The following MAST2 variants were observed in gnomAD, a reference collection of about 807,000 sequenced individuals.
The protein encoded by MAST2 is microtubule-associated serine/threonine-protein kinase 2.
MAST2 carries 70 observed loss-of-function variants against 147.4 expected under a neutral mutation model. The observed-to-expected ratio is 0.47, with a 90% confidence interval of 0.39 to 0.58. MAST2 has a LOEUF of 0.58. Among genes scored for constraint, MAST2 ranks in the 20% least tolerant of loss-of-function variants. The pLI is 0.00. For missense variants in MAST2, 2,080 were observed against 2,302.3 expected (o/e 0.90, Z 1.98); for synonymous variants, 869 against 896.8 (o/e 0.97, Z 0.55).
At chr1:45,901,660 C>T (rs1649789921) in intron 4 of MAST2, among the ~76,000 whole-genome samples, 1 of 152,096 alleles carries the variant, frequency 6.6e-6, no homozygotes, top group Non-Finnish European at 1.5e-5. Context: ...TGATTTCTTT[C>T]ATCAGTGTTC....
At chr1:45,881,565 G>T (rs1045744267) in intron 3 of MAST2, among the ~76,000 whole-genome samples, 5 of 152,186 alleles carry the variant, frequency 3.3e-5, no homozygotes, top group Non-Finnish European at 7.3e-5. Context: ...AGCTGTTATC[G>T]TAAAGGTTAT....
intron 3 of MAST2, among the ~76,000 whole-genome samples, chr1:45,878,203 C>CAAAA (rs34794896): frequency 1.7e-5 from 2 of 114,776 alleles, no homozygotes; most frequent in East Asian, 2.6e-4. Flanking sequence ...GGCTCTATCT[C>CAAAA]AAAAAAAAAA....
At chr1:45,985,158 A>C (rs1644562716) in intron 5 of MAST2, among the ~76,000 whole-genome samples, 1 of 152,072 alleles carries the variant, frequency 6.6e-6, no homozygotes, top group Non-Finnish European at 1.5e-5. Flanking sequence ...CCCGGGTTCA[A>C]ATGATTTTCA....
At chr1:45,877,418 G>A (rs527304464) in intron 3 of MAST2, among the ~76,000 whole-genome samples, 4 of 152,192 alleles carry the variant, frequency 2.6e-5, no homozygotes, top group South Asian at 4.2e-4. Flanking sequence ...CCTTAATCCC[G>A]TTTACAAGAG....
intron 4 of MAST2, among the ~76,000 whole-genome samples, chr1:45,898,704 ATC>A (rs1649192264): frequency 6.6e-6 from 1 of 152,288 alleles, no homozygotes; most frequent in East Asian, 1.9e-4. Context: ...GCCATCAGCA[ATC>A]TCTGTCTCTG....
At chr1:45,906,578 T>C (rs1011346609) in intron 4 of MAST2, among the ~76,000 whole-genome samples, 3 of 148,782 alleles carry the variant, frequency 2.0e-5, no homozygotes, top group Non-Finnish European at 1.5e-5. Flanking sequence ...TTATATGTTA[T>C]TATTATATAA....
intron 6 of MAST2, among the ~76,000 whole-genome samples, chr1:46,002,272 A>G (rs1645304372): frequency 6.6e-6 from 1 of 152,092 alleles, no homozygotes. Flanking sequence ...ATTCCCAAAT[A>G]TTGGTTTTAT....
chr1:45,945,656 CAGATTAA>C (rs1657924374), intron 4 of MAST2, among the ~76,000 whole-genome samples: 1 of 152,274 alleles, frequency 6.6e-6, no homozygotes, highest in African/African-American at 2.4e-5. Flanking sequence ...TATTAAGTAA[CAGATTAA>C]AGTATGTATT....
At chr1:45,945,753 G>A (rs891597994) in intron 4 of MAST2, among the ~76,000 whole-genome samples, 1 of 152,190 alleles carries the variant, frequency 6.6e-6, no homozygotes, top group African/African-American at 2.4e-5. Context: ...TCAACCACTA[G>A]CTCTCAAAGC....
intron 4 of MAST2, among the ~76,000 whole-genome samples, chr1:45,889,600 T>C (rs1489153416): frequency 6.6e-6 from 1 of 152,024 alleles, no homozygotes; most frequent in African/African-American, 2.4e-5. Flanking sequence ...AATTTTTGTT[T>C]TGTTTCGTTT....
chr1:45,885,569 A>G (rs1201444755), intron 4 of MAST2, among the ~76,000 whole-genome samples: 1 of 152,240 alleles, frequency 6.6e-6, no homozygotes, highest in Non-Finnish European at 1.5e-5. Context: ...GAAGTATAGC[A>G]TAAAAATTAA....
In MAST2 at chr1:46,025,585, T is replaced by C. The variant is rs1367670613; in HGVS notation, c.1781-92T>C. On this transcript the variant is annotated intron_variant, in intron 15 of 28. Transcript: ENST00000361297. The stretch of plus-strand genomic sequence containing the variant: ...CACCAGGATATTCCATGAAGCTGTC[T>C]CCTCTGGGACCTCAGAAACTGCCAG... 34 of 1,477,452 alleles carry C rather than the reference T, an allele frequency of 2.3e-5. No homozygotes were observed. The East Asian group carries it at 7.5e-4, about 33-fold the overall frequency. 91.5% of individuals were successfully genotyped at this position (1,477,452 alleles called of 1,614,324 possible).
At chr1:45,884,425 G>A (rs181374699) in intron 4 of MAST2, among the ~76,000 whole-genome samples, 24 of 152,248 alleles carry the variant, frequency 1.6e-4, no homozygotes, top group African/African-American at 5.1e-4. Flanking sequence ...CATGGCGTGC[G>A]CCTGTAGTCC....
intron 20 of MAST2, 83 bp from the exon 21 acceptor site, chr1:46,030,046 C>A: frequency 1.2e-6 from 2 of 1,601,546 alleles, no homozygotes; most frequent in Non-Finnish European, 8.5e-7. Flanking sequence ...AGCAACTTCT[C>A]AGGGCTCTGC....
At chr1:46,033,531 G>T (rs1646768682) in intron 26 of MAST2, among the ~76,000 whole-genome samples, 1 of 152,068 alleles carries the variant, frequency 6.6e-6, no homozygotes, top group African/African-American at 2.4e-5. Context: ...CCTGACTAAG[G>T]CCCAGGGATC....
rs149742675 is a variant in MAST2, at chr1:45,814,593, C to A, written c.178-9840C>A. 3.6e-3 allele frequency among the ~76,000 whole-genome samples: 544 copies of A among 152,228 alleles called. 5 individuals are homozygous for A. Among genetic ancestry groups the A allele is most frequent in the East Asian group, 0.034 (175 of 5,182 alleles). On this transcript the variant is annotated intron_variant, in intron 1 of 28. Transcript: ENST00000361297. Reference sequence around the variant, plus strand: ...CCTGAGGTCAGGAGTTTGAGACCAGCCTGGCAAACATGGCAAAACCCCGTC... The same window carrying A: ...CCTGAGGTCAGGAGTTTGAGACCAGACTGGCAAACATGGCAAAACCCCGTC...
chr1:45,987,777 A>ATTTTTTTTTTTTTTTTTTT lies in MAST2; in HGVS notation c.593-9941_593-9923dup. Among the ~76,000 whole-genome samples, 34 of 21,806 alleles carry ATTTTTTTTTTTTTTTTTTT rather than the reference A, an allele frequency of 1.6e-3. 1 individual carries two copies. Among genetic ancestry groups the ATTTTTTTTTTTTTTTTTTT allele is most frequent in the African/African-American group, 1.9e-3 (9 of 4,752 alleles). The allele number at this position is 21,806 out of a possible 152,430, so 14.3% of individuals were successfully genotyped here. ...AGCATTTCTTGTTTTTTTTTTTTTG[A>ATTTTTTTTTTTTTTTTTTT]TTTTTTTTTTTTTTTTTTTTTTTTG... On this transcript the variant is annotated intron_variant, in intron 5 of 28. Coordinates refer to ENST00000361297, the MANE Select transcript of MAST2 (RefSeq NM_015112.3).
chr1:45,943,036 CAG>C (rs761973755), intron 4 of MAST2, among the ~76,000 whole-genome samples: 45 of 152,146 alleles, frequency 3.0e-4, no homozygotes, highest in Admixed American at 3.9e-4. Flanking sequence ...GGGAAGGCTT[CAG>C]AGAGAAGGAA....
At position 45,832,948 on chromosome 1, in the gene MAST2, C is replaced by G. The variant is rs767880985; in HGVS notation, c.468+3367C>G. 3.9e-5 allele frequency among the ~76,000 whole-genome samples: 6 copies of G among 152,094 alleles called. No homozygotes were observed. In the South Asian group the frequency reaches 8.3e-4, roughly 21 times the overall value. ...CTTCAGGTATCACCTCCTCATTGTTCCATCCCTAACCCCGCCCCCACACTA... is the reference window on the plus strand; with the variant it reads ...CTTCAGGTATCACCTCCTCATTGTTGCATCCCTAACCCCGCCCCCACACTA... On this transcript the variant is annotated intron_variant, in intron 3 of 28. Transcript: ENST00000361297.
Sources: gnomAD v4.1 joint callset for allele counts (sites outside exome capture counted in the v4.1 genomes callset) on GRCh38, gnomAD v4.1.1 for gene constraint, MANE v1.5 for transcripts, NCBI Gene and HGNC (gene_info 2026-07-23, HGNC 2026-07-21) for gene names.